Variants in PREX2 observed in about 807,000 individuals in gnomAD.
PREX2 encodes phosphatidylinositol-3,4,5-trisphosphate dependent Rac exchange factor 2, also known as phosphatidylinositol 3,4,5-trisphosphate-dependent Rac exchanger 2 protein.
A neutral mutation model predicts 203.2 loss-of-function variants in PREX2; 107 were observed. The observed-to-expected ratio is 0.53, with a 90% CI of 0.45 to 0.62. The LOEUF is 0.62. Among genes scored for constraint, PREX2 ranks in the 20% least tolerant of loss-of-function variants. The pLI, the probability that PREX2 is intolerant of heterozygous loss-of-function variation, is 0.00. For missense variants in PREX2, 1,777 were observed against 1,955.9 expected (o/e 0.91, Z 1.72); for synonymous variants, 672 against 663.6 (o/e 1.01, Z -0.19).
At chr8:68,164,576 T>C (rs1333791327) in intron 35 of PREX2, among the ~76,000 whole-genome samples, 1 of 137,422 alleles carries the variant, frequency 7.3e-6, no homozygotes, top group African/African-American at 2.6e-5. Flanking sequence ...CTTTCTTTTT[T>C]TCTTTTTTCT....
intron 15 of PREX2, among the ~76,000 whole-genome samples, chr8:68,080,102 C>G (rs1809467687): frequency 6.6e-6 from 1 of 152,098 alleles, no homozygotes; most frequent in African/African-American, 2.4e-5. Flanking sequence ...GTTTTGGAGG[C>G]ACGCATTTTT....
intron 22 of PREX2, among the ~76,000 whole-genome samples, chr8:68,098,936 GTGTATATATATATATATATATATA>G (rs1176350604): frequency 2.7e-4 from 20 of 74,868 alleles, no homozygotes; most frequent in Non-Finnish European, 4.6e-4. Context: ...ACATATATAT[GTGTATATATATATATATATATATA>G]TATATATATA....
At chr8:68,198,751 T>C (rs1004660888) in intron 37 of PREX2, among the ~76,000 whole-genome samples, 2 of 152,180 alleles carry the variant, frequency 1.3e-5, no homozygotes. Flanking sequence ...ATAAAGGATA[T>C]GTGTAAGAAA....
chr8:67,952,340 C>A lies in PREX2; in HGVS notation c.-55C>A, dbSNP rs1035535110. The A allele has an allele frequency of 2.3e-4, 304 of 1,340,218 alleles. No homozygotes were observed. The highest frequency in any genetic ancestry group is 2.2e-4 in the Non-Finnish European group (235 of 1,049,372). 83.0% of individuals were successfully genotyped at this position (1,340,218 alleles called of 1,614,324 possible). A position where few individuals can be genotyped will look rare whatever the true frequency, so the allele number is the denominator to read the frequency against. ...GCCGGGGGCCGGGCAGCAGCGGGCGCGCGGGTCAGCGCTCAGCACGGCGGG... is the reference window on the plus strand; with the variant it reads ...GCCGGGGGCCGGGCAGCAGCGGGCGAGCGGGTCAGCGCTCAGCACGGCGGG... On this transcript the variant is annotated 5_prime_UTR_variant, in exon 1 of 40. Transcript: ENST00000288368.
chr8:68,008,049 T>C (rs1220363175), intron 1 of PREX2, among the ~76,000 whole-genome samples: 2 of 152,192 alleles, frequency 1.3e-5, no homozygotes, highest in Non-Finnish European at 2.9e-5. Flanking sequence ...CATCTAGTAG[T>C]TGGCAGAGTT....
At chr8:68,143,579 T>G (rs899063731) in intron 33 of PREX2, among the ~76,000 whole-genome samples, 1 of 152,200 alleles carries the variant, frequency 6.6e-6, no homozygotes, top group African/African-American at 2.4e-5. Context: ...GAGTTATCTG[T>G]GTATTTTGGA....
At chr8:68,112,576 C>T (rs1204702857) in intron 25 of PREX2, among the ~76,000 whole-genome samples, 4 of 152,204 alleles carry the variant, frequency 2.6e-5, no homozygotes, top group South Asian at 4.2e-4. Context: ...ACAAGAGGGG[C>T]ACACCATAAA....
Position 68,008,304 on chromosome 8 carries a change from C to T in PREX2, c.142-9542C>T, listed in dbSNP as rs543258691. Among the ~76,000 whole-genome samples the T allele has an allele frequency of 8.1e-4, 124 of 152,238 alleles. 4 individuals carry two copies. In the South Asian group the frequency reaches 0.021, roughly 26 times the overall value. On this transcript the variant is annotated intron_variant, in intron 1 of 39. Coordinates refer to ENST00000288368, the MANE Select transcript of PREX2 (RefSeq NM_024870.4). ...TTGTCCGTATCAGCCCAGCACTAAC[C>T]GTTTTAGTTACTTTATACGAATTCC... is the stretch of plus-strand genomic sequence containing the variant.
In PREX2 at chr8:68,234,835, T is replaced by C. The variant is rs937156139; in HGVS notation, c.*3457T>C. ...GTAAACTTTTTATGATACTATAATA[T>C]ATATGACGTTGAAATGACATTGGTT... On this transcript the variant is annotated 3_prime_UTR_variant, in exon 40 of 40. Transcript: ENST00000288368. The C allele has an allele frequency of 3.3e-5, 5 of 152,166 alleles. No homozygotes were observed. The highest frequency in any genetic ancestry group is 2.0e-4 in the Admixed American group (3 of 15,258). 9.4% of individuals were successfully genotyped at this position (152,166 alleles called of 1,614,324 possible). A position where few individuals can be genotyped will look rare whatever the true frequency, so the allele number is the denominator to read the frequency against.
chr8:68,030,429 T>C, intron 5 of PREX2, 68 bp from the exon 6 acceptor site: 1 of 1,454,612 alleles, frequency 6.9e-7, no homozygotes, highest in Non-Finnish European at 9.3e-7. Context: ...CATTTCCTGG[T>C]CAGTCTGAAC....
At chr8:68,059,538 A>G (rs1272668269) in intron 10 of PREX2, among the ~76,000 whole-genome samples, 1 of 152,232 alleles carries the variant, frequency 6.6e-6, no homozygotes, top group African/African-American at 2.4e-5. Flanking sequence ...CATTTTCAAA[A>G]CAATGTAGTA....
intron 37 of PREX2, among the ~76,000 whole-genome samples, chr8:68,203,553 A>G (rs1033225851): frequency 2.0e-5 from 3 of 152,194 alleles, no homozygotes; most frequent in African/African-American, 7.2e-5. Context: ...TTAAAACATT[A>G]CTAAGAATTT....
rs529525269 is a variant in PREX2, at chr8:68,181,836, G to T, written c.4347-9886G>T. The stretch of plus-strand genomic sequence containing the variant: ...GACCACTCACTGTGTACCTGGTGCT[G>T]TGTGTTGGGATAAAAGAGAAACTGT... On this transcript the variant is annotated intron_variant, in intron 35 of 39. Coordinates refer to ENST00000288368, the MANE Select transcript of PREX2 (RefSeq NM_024870.4). Among the ~76,000 whole-genome samples the T allele has an allele frequency of 6.6e-5, 10 of 152,214 alleles. No individual in the cohort carries two copies. In the South Asian group the frequency reaches 2.1e-3, roughly 32 times the overall value.
rs183663906 is a variant in PREX2, at chr8:68,111,861, T to C, written c.3146+2238T>C. Among the ~76,000 whole-genome samples, 345 of 152,310 alleles carry C rather than the reference T, an allele frequency of 2.3e-3. 3 individuals carry two copies. The highest frequency in any genetic ancestry group is 0.01 in the Middle Eastern group (3 of 294). ...TAGTATCTGAACAATTTTCTCACCC[T>C]ATAGTAATTGTTCCTGGTCAGAGAT... is the stretch of plus-strand genomic sequence containing the variant. On this transcript the variant is annotated intron_variant, in intron 25 of 39. Transcript: ENST00000288368.
Position 68,080,515 on chromosome 8 carries a change from C to T in PREX2, c.1715C>T (p.Ser572Leu), listed in dbSNP as rs747373237. The T allele has an allele frequency of 1.6e-5, 25 of 1,611,084 alleles. No individual in the cohort carries two copies. Among genetic ancestry groups the T allele is most frequent in the Non-Finnish European group, 2.1e-5 (25 of 1,177,994 alleles). The change falls in exon 16 of 40, where the codon TCA (serine) becomes TTA (leucine). Residue 572 changes from serine to leucine, a missense_variant. By Grantham distance (145) the Ser-to-Leu change is moderately radical. Coordinates refer to ENST00000288368, the MANE Select transcript of PREX2 (RefSeq NM_024870.4). ...RFFSDEEMEG[S>L]NMKHRLMKHD... The stretch of plus-strand genomic sequence containing the variant: ...TTTTCGGATGAGGAAATGGAGGGAT[C>T]AAATATGAAACATCGACTTATGAAA...
At chr8:67,988,333 A>G (rs1352451038) in intron 1 of PREX2, among the ~76,000 whole-genome samples, 3 of 152,120 alleles carry the variant, frequency 2.0e-5, no homozygotes, top group Admixed American at 1.3e-4. Flanking sequence ...TTTGAAACCA[A>G]TTTCTCTAAC....
At chr8:68,053,030 G>A (rs1035417377) in intron 8 of PREX2, 67 bp from the exon 9 acceptor site, 20 of 1,401,326 alleles carry the variant, frequency 1.4e-5, no homozygotes, top group Admixed American at 7.8e-5. Context: ...TGTATTGAAT[G>A]ATAGTGTGGA....
chr8:68,115,671 G>A (rs1810640249), intron 25 of PREX2, 82 bp from the exon 26 acceptor site: 3 of 865,736 alleles, frequency 3.5e-6, no homozygotes, highest in Non-Finnish European at 5.1e-6. Context: ...ATATTTGTAA[G>A]CCTATTGTAT....
Position 68,030,616 on chromosome 8 carries a change from A to C in PREX2, c.663A>C (p.Leu221Phe), listed in dbSNP as rs142449465. 1.2e-6 allele frequency: 2 copies of C among 1,613,738 alleles called. No homozygotes were observed. The highest frequency in any genetic ancestry group is 1.7e-6 in the Non-Finnish European group (2 of 1,179,690). ...INEAKRQMEKLEVLEEWQSHI... is the reference protein window; with the variant it reads ...INEAKRQMEKFEVLEEWQSHI... ...AGGCCAAGAGACAGATGGAGAAGTT[A>C]GAAGTTTTAGAGGAATGGCAGTCTC... Residue 221 changes from leucine (L) to phenylalanine (F), a missense_variant, in exon 6 of 40, where the codon TTA becomes TTC. By Grantham distance (22) the Leu-to-Phe change is conservative. Coordinates refer to ENST00000288368, the MANE Select transcript of PREX2 (RefSeq NM_024870.4).
Sources: gnomAD v4.1 joint callset for allele counts (sites outside exome capture counted in the v4.1 genomes callset) on GRCh38, gnomAD v4.1.1 for gene constraint, MANE v1.5 for transcripts, NCBI Gene and HGNC (gene_info 2026-07-23, HGNC 2026-07-21) for gene names.